Variants in NLRP13 observed in about 807,000 individuals in gnomAD.
NLRP13 encodes NLR family pyrin domain containing 13, also known as NACHT, LRR and PYD domains-containing protein 13.
A neutral mutation model predicts 94.4 loss-of-function variants in NLRP13; 82 were observed. That is an observed-to-expected ratio of 0.87 (90% confidence interval 0.73 to 1.04). The LOEUF (loss-of-function observed/expected upper bound fraction) is 1.04. Ranked by LOEUF, NLRP13 falls within the 50% of genes least tolerant of loss-of-function variation. NLRP13 has a pLI of 0.00. For synonymous variants in NLRP13, 553 were observed against 464.7 expected (o/e 1.19, Z -2.45); for missense variants, 1,426 against 1,230.8 (o/e 1.16, Z -2.37).
intron 4 of NLRP13, among the ~76,000 whole-genome samples, chr19:55,917,141 T>C (rs982300661): frequency 4.6e-5 from 7 of 152,098 alleles, no homozygotes; most frequent in African/African-American, 1.7e-4. Flanking sequence ...AATGAAGAAA[T>C]AAAGTCTTTT....
chr19:55,932,191 G>A lies in NLRP13; in HGVS notation c.121C>T (p.Leu41=). 6.2e-7 allele frequency: 1 copy of A among 1,614,060 alleles called. No individual in the cohort carries two copies. Among genetic ancestry groups the A allele is most frequent in the Non-Finnish European group, 8.5e-7 (1 of 1,179,984 alleles). Residue 41 remains leucine (L), a synonymous_variant, in exon 1 of 11, where the codon CTG becomes TTG. Transcript: ENST00000342929. The part of the protein sequence containing the change: ...EFKLCLEPQQ[L]MDFWSAPQGH... ...TGGGGGGCCGACCAGAAGTCCATCA[G>A]CTGCTGGGGTTCCAAGCAAAGCTTG...
intron 4 of NLRP13, among the ~76,000 whole-genome samples, chr19:55,917,421 CAT>C (rs1209494640): frequency 6.6e-6 from 1 of 151,890 alleles, no homozygotes; most frequent in African/African-American, 2.4e-5. Flanking sequence ...GAAAAAAGGT[CAT>C]ATATCAATAT....
rs935323763 is a variant in NLRP13, at chr19:55,928,077, C to T, written c.320-3042G>A. Among the ~76,000 whole-genome samples, 29 of 152,184 alleles carry T rather than the reference C, an allele frequency of 1.9e-4. 1 individual carries two copies. Among genetic ancestry groups the T allele is most frequent in the Admixed American group, 7.2e-4 (11 of 15,274 alleles). On this transcript the variant is annotated intron_variant, in intron 1 of 10. Transcript: ENST00000342929. ...CCAACTGCTGAGCTTTTATCGTCCCCTGCATGGCTGGTGAGGTGGATGTGG... is the reference window on the plus strand; with the variant it reads ...CCAACTGCTGAGCTTTTATCGTCCCTTGCATGGCTGGTGAGGTGGATGTGG...
At chr19:55,923,259 A>G (rs778536035) in intron 4 of NLRP13, among the ~76,000 whole-genome samples, 1 of 152,238 alleles carries the variant, frequency 6.6e-6, no homozygotes, top group Admixed American at 6.5e-5. Flanking sequence ...ATAGTAACCT[A>G]TTTTTCTGTA....
chr19:55,918,916 C>G (rs1345806545), intron 4 of NLRP13, among the ~76,000 whole-genome samples: 2 of 151,818 alleles, frequency 1.3e-5, no homozygotes, highest in Non-Finnish European at 2.9e-5. Context: ...TCAACAAGGA[C>G]ACAAAAAGAC....
At chr19:55,895,722 C>A (rs1376856236), downstream of NLRP13, among the ~76,000 whole-genome samples, 2 of 152,090 alleles carry the variant, frequency 1.3e-5, no homozygotes, top group Non-Finnish European at 2.9e-5. Context: ...TAATTCAGTT[C>A]CCAGTCACAC....
intron 1 of NLRP13, among the ~76,000 whole-genome samples, chr19:55,930,548 T>C (rs2123152906): frequency 6.6e-6 from 1 of 151,936 alleles, no homozygotes; most frequent in East Asian, 1.9e-4. Flanking sequence ...TAGCCGGGCA[T>C]GGTGGCAGGT....
Position 55,898,837 on chromosome 19 carries a change from G to A in NLRP13, c.2890C>T (p.Leu964Phe), listed in dbSNP as rs144933027. 4 of 1,613,922 alleles carry A rather than the reference G, an allele frequency of 2.5e-6. No individual in the cohort carries two copies. In the African/African-American group the frequency reaches 4.0e-5, roughly 16 times the overall value. Residue 964 changes from leucine (L) to phenylalanine (F), a missense_variant, in exon 10 of 11, where the codon CTT becomes TTT. Physicochemically the swap from Leu to Phe is conservative, Grantham distance 22 (BLOSUM62 0). Coordinates refer to ENST00000342929, the MANE Select transcript of NLRP13 (RefSeq NM_176810.2). ...VKILDLGEND[L>F]QDDGVKLLCE... ...AGTAGCTTCACTCCATCATCCTGAAGATCATTTTCTCCCAAATCCAAGATT... is the reference window on the plus strand; with the variant it reads ...AGTAGCTTCACTCCATCATCCTGAAAATCATTTTCTCCCAAATCCAAGATT...
chr19:55,926,467 C>T (rs1160947611), intron 1 of NLRP13, among the ~76,000 whole-genome samples: 1 of 152,200 alleles, frequency 6.6e-6, no homozygotes, highest in African/African-American at 2.4e-5. Flanking sequence ...TTCCTCCATT[C>T]TCTGGTGAGG....
At position 55,905,109 on chromosome 19, in the gene NLRP13, C is replaced by A. The variant is rs775540143; in HGVS notation, c.2451G>T (p.Leu817=). Residue 817 remains leucine (L), a synonymous_variant, in exon 8 of 11, where the codon CTG becomes CTT. Transcript: ENST00000342929. Reference sequence around the variant, plus strand: ...TGGCTGCCGACAAGTTGCATTTCTCCAGGCTGTGGAAGGTGCAGGTGCAAG... The same window carrying A: ...TGGCTGCCGACAAGTTGCATTTCTCAAGGCTGTGGAAGGTGCAGGTGCAAG... ...HSACNLKYLC[L]EKCNLSAASC... 1 of 1,613,544 alleles carries A rather than the reference C, an allele frequency of 6.2e-7. No homozygotes were observed. The highest frequency in any genetic ancestry group is 1.1e-5 in the South Asian group (1 of 91,038).
rs1163766170 is a variant in NLRP13 at position 55,911,720 on chromosome 19, G to C, written c.2097C>G (p.Asp699Glu). The change falls in exon 5 of 11, where the codon GAC (aspartate) becomes GAG (glutamate). Residue 699 changes from aspartate (D) to glutamate (E), a missense_variant. Transcript: ENST00000342929. ...LSVSSHILER[D>E]LEILETSKFD... Reference sequence around the variant, plus strand: ...GTAATACTCACTCCAGAATTTCCAAGTCCCTTTCAAGGATGTGACTGCTAA... The same window carrying C: ...GTAATACTCACTCCAGAATTTCCAACTCCCTTTCAAGGATGTGACTGCTAA... 6 of 1,599,140 alleles carry C rather than the reference G, an allele frequency of 3.8e-6. No homozygotes were observed. In the African/African-American group the frequency reaches 8.1e-5, roughly 22 times the overall value.
intron 4 of NLRP13, among the ~76,000 whole-genome samples, chr19:55,917,795 G>A (rs1470111660): frequency 6.6e-6 from 1 of 151,924 alleles, no homozygotes; most frequent in Admixed American, 6.6e-5. Context: ...TAGACCTAAA[G>A]ACAGCAAAAT....
Position 55,930,874 on chromosome 19 carries a change from T to TTTTATATA in NLRP13, c.319+1118_319+1119insTATATAAA, listed in dbSNP as rs55900335. 2.4e-3 allele frequency among the ~76,000 whole-genome samples: 166 copies of TTTTATATA among 70,184 alleles called. 3 individuals carry two copies. In the Middle Eastern group the frequency reaches 0.03, roughly 13 times the overall value. 46.0% of individuals were successfully genotyped at this position (70,184 alleles called of 152,430 possible). ...GGCTTACAGGAGATAGAATCAGTGA[T>TTTTATATA]TATATATATATATATATATATATAA... On this transcript the variant is annotated intron_variant, in intron 1 of 10. Coordinates refer to ENST00000342929, the MANE Select transcript of NLRP13 (RefSeq NM_176810.2).
intron 1 of NLRP13, among the ~76,000 whole-genome samples, chr19:55,929,187 T>C (rs993476607): frequency 6.6e-6 from 1 of 152,118 alleles, no homozygotes; most frequent in Non-Finnish European, 1.5e-5. Flanking sequence ...GGAGTGTAAA[T>C]TAGTTCAACC....
chr19:55,896,231 A>G (rs757494435), intron 10 of NLRP13, 112 bp from the exon 11 acceptor site: 10 of 1,221,812 alleles, frequency 8.2e-6, no homozygotes, highest in Non-Finnish European at 1.1e-5. Flanking sequence ...ACTGCTTAAG[A>G]GTGGAGCACT....
chr19:55,914,424 A>G (rs1986628396), intron 4 of NLRP13, among the ~76,000 whole-genome samples: 1 of 152,220 alleles, frequency 6.6e-6, no homozygotes, highest in African/African-American at 2.4e-5. Context: ...ATTATGATGC[A>G]TCAGTGTAGG....
At chr19:55,894,756 T>C (rs1046178790), downstream of NLRP13, among the ~76,000 whole-genome samples, 1 of 151,316 alleles carries the variant, frequency 6.6e-6, no homozygotes, top group Non-Finnish European at 1.5e-5. Flanking sequence ...GTTTCCCCCC[T>C]GTCTACCATG....
chr19:55,903,451 A>C (rs1986245686), intron 8 of NLRP13, among the ~76,000 whole-genome samples: 1 of 152,136 alleles, frequency 6.6e-6, no homozygotes, highest in Non-Finnish European at 1.5e-5. Flanking sequence ...CCAGAGCAGC[A>C]CGATGCAGCT....
At chr19:55,930,898 A>ACACACACGTATAT in intron 1 of NLRP13, among the ~76,000 whole-genome samples, 4 of 104,890 alleles carry the variant, frequency 3.8e-5, no homozygotes, top group African/African-American at 1.2e-4. Flanking sequence ...ATATATATAT[A>ACACACACGTATAT]AAATTTTAAC....
Sources: gnomAD v4.1 joint callset for allele counts (sites outside exome capture counted in the v4.1 genomes callset) on GRCh38, gnomAD v4.1.1 for gene constraint, MANE v1.5 for transcripts, NCBI Gene and HGNC (gene_info 2026-07-23, HGNC 2026-07-21) for gene names.